CACNA2D3: variants seen among roughly 807,000 people sequenced by gnomAD.
CACNA2D3 encodes the protein voltage-dependent calcium channel subunit alpha-2/delta-3.
CACNA2D3 carries 60 observed loss-of-function variants against 160.6 expected under a neutral mutation model. The observed-to-expected ratio is 0.37, with a 90% CI of 0.30 to 0.46. CACNA2D3 has a LOEUF of 0.46. CACNA2D3 is among the 20% of genes least tolerant of loss of function. CACNA2D3 has a pLI of 1.00. For missense variants in CACNA2D3, 1,205 were observed against 1,365.0 expected, an observed-to-expected ratio of 0.88 and a Z score of 1.85; for synonymous variants, 558 against 492.9, an observed-to-expected ratio of 1.13 and a Z score of -1.75.
At chr3:54,511,827 A>T (rs1701464107) in intron 5 of CACNA2D3, among the ~76,000 whole-genome samples, 2 of 152,224 alleles carry the variant, frequency 1.3e-5, no homozygotes, top group African/African-American at 4.8e-5. Context: ...TTTTTAAAAA[A>T]TGGCTTAGAG....
intron 2 of CACNA2D3, among the ~76,000 whole-genome samples, chr3:54,236,145 A>G (rs1701872151): frequency 6.6e-6 from 1 of 152,206 alleles, no homozygotes; most frequent in Non-Finnish European, 1.5e-5. Context: ...ACTTCTCAAC[A>G]CAGTACTGCT....
chr3:55,001,096 AT>A (rs1488610477), intron 31 of CACNA2D3, among the ~76,000 whole-genome samples: 1 of 152,158 alleles, frequency 6.6e-6, no homozygotes, highest in Non-Finnish European at 1.5e-5. Flanking sequence ...TACCTCGCTT[AT>A]GGTTGCTAAA....
chr3:55,008,327 T>A (rs1457163577), intron 33 of CACNA2D3, among the ~76,000 whole-genome samples: 1 of 152,210 alleles, frequency 6.6e-6, no homozygotes, highest in African/African-American at 2.4e-5. Flanking sequence ...AGGTGCTGGT[T>A]GCATCTATGA....
intron 23 of CACNA2D3, among the ~76,000 whole-genome samples, chr3:54,886,500 C>T (rs1276215479): frequency 1.3e-5 from 2 of 151,910 alleles, no homozygotes; most frequent in Non-Finnish European, 2.9e-5. Context: ...AATATTTTGC[C>T]ACACTTACTC....
intron 27 of CACNA2D3, among the ~76,000 whole-genome samples, chr3:54,908,311 G>C (rs1295778117): frequency 6.6e-6 from 1 of 152,118 alleles, no homozygotes; most frequent in South Asian, 2.1e-4. Flanking sequence ...CTTGCCATTT[G>C]TATATTTTCT....
intron 27 of CACNA2D3, among the ~76,000 whole-genome samples, chr3:54,965,310 G>A (rs1256158879): frequency 6.6e-6 from 1 of 152,060 alleles, no homozygotes; most frequent in African/African-American, 2.4e-5. Context: ...GAACAACTGG[G>A]TCCCCGTTCC....
Position 54,130,616 on chromosome 3 carries a change from T to G in CACNA2D3, c.204+7022T>G, listed in dbSNP as rs186124199. ...CTACCATTCACCCCATTTTACAGAT[T>G]GCGAAGCTGAGGCTGGCAGAACTGA... On this transcript the variant is annotated intron_variant, in intron 2 of 37. Coordinates refer to ENST00000474759, the MANE Select transcript of CACNA2D3 (RefSeq NM_018398.3). Among the ~76,000 whole-genome samples, 28 of 152,302 alleles carry G rather than the reference T, an allele frequency of 1.8e-4. 1 individual carries two copies. The East Asian group carries it at 5.4e-3, about 29-fold the overall frequency.
chr3:54,364,197 GC>G (rs1407460298), intron 3 of CACNA2D3, among the ~76,000 whole-genome samples: 5 of 152,172 alleles, frequency 3.3e-5, no homozygotes, highest in African/African-American at 1.2e-4. Context: ...GTGTTGATTA[GC>G]TTCCTAAAAA....
rs1036012015 is a variant in CACNA2D3, at chr3:54,275,952, G to T, written c.205-44490G>T. 8.5e-5 allele frequency among the ~76,000 whole-genome samples: 13 copies of T among 152,232 alleles called. No individual in the cohort carries two copies. The East Asian group carries it at 2.5e-3, about 29-fold the overall frequency. ...CGGAAAGTATCTGATTTCTACTGGG[G>T]ATAAAGTTGCAGGTTCTTTTAATAC... On this transcript the variant is annotated intron_variant, in intron 2 of 37. Coordinates refer to ENST00000474759, the MANE Select transcript of CACNA2D3 (RefSeq NM_018398.3).
chr3:54,977,128 A>G (rs1345796479), intron 29 of CACNA2D3, among the ~76,000 whole-genome samples: 1 of 152,214 alleles, frequency 6.6e-6, no homozygotes, highest in Non-Finnish European at 1.5e-5. Context: ...ATAAAATAGC[A>G]CAATATGAAA....
At chr3:54,693,871 G>C (rs915982218) in intron 11 of CACNA2D3, among the ~76,000 whole-genome samples, 1 of 152,094 alleles carries the variant, frequency 6.6e-6, no homozygotes, top group African/African-American at 2.4e-5. Context: ...ACAGCTGTAC[G>C]ATGTGTTTAT....
At chr3:54,455,524 G>A (rs1405129155) in intron 4 of CACNA2D3, among the ~76,000 whole-genome samples, 1 of 151,930 alleles carries the variant, frequency 6.6e-6, no homozygotes, top group Non-Finnish European at 1.5e-5. Flanking sequence ...TTTGGAGGTT[G>A]TCTTTTCACT....
At chr3:54,214,533 A>C (rs1433864641) in intron 2 of CACNA2D3, among the ~76,000 whole-genome samples, 10 of 152,006 alleles carry the variant, frequency 6.6e-5, no homozygotes, top group Non-Finnish European at 1.3e-4. Flanking sequence ...AATTGAGTAG[A>C]TTTTATCTCC....
Position 54,687,121 on chromosome 3 carries a change from C to CTTTTTCTTTTTCTTTTTCTTTTTCTT in CACNA2D3, c.1167+44885_1167+44886insCTTTTTCTTTTTCTTTTTCTTTTTTT. Among the ~76,000 whole-genome samples the CTTTTTCTTTTTCTTTTTCTTTTTCTT allele has an allele frequency of 1.2e-4, 11 of 94,962 alleles. 1 individual carries two copies. Among genetic ancestry groups the CTTTTTCTTTTTCTTTTTCTTTTTCTT allele is most frequent in the African/African-American group, 3.6e-4 (9 of 25,032 alleles). The allele number at this position is 94,962 out of a possible 152,430, so 62.3% of individuals were successfully genotyped here. ...AAATCGGATTTTTCTTTTTCTTTTT[C>CTTTTTCTTTTTCTTTTTCTTTTTCTT]TTTTTTTTTTTTTGTTTTTTTTTTT... On this transcript the variant is annotated intron_variant, in intron 11 of 37. Transcript: ENST00000474759.
chr3:54,701,197 C>G (rs1700761338), intron 11 of CACNA2D3, among the ~76,000 whole-genome samples: 1 of 152,120 alleles, frequency 6.6e-6, no homozygotes, highest in African/African-American at 2.4e-5. Context: ...TTTATTTCTA[C>G]CAACTAAGAT....
At chr3:54,486,215 T>C (rs564776851) in intron 4 of CACNA2D3, among the ~76,000 whole-genome samples, 62 of 152,354 alleles carry the variant, frequency 4.1e-4, no homozygotes, top group African/African-American at 1.4e-3. Context: ...GAAGGCTTTT[T>C]TGATTCTGGT....
chr3:54,456,773 C>G (rs1361649082), intron 4 of CACNA2D3, among the ~76,000 whole-genome samples: 1 of 151,870 alleles, frequency 6.6e-6, no homozygotes, highest in Non-Finnish European at 1.5e-5. Context: ...ACTTTAACCT[C>G]TTGGTTCATT....
intron 2 of CACNA2D3, among the ~76,000 whole-genome samples, chr3:54,222,807 C>G (rs542670108): frequency 6.6e-6 from 1 of 151,960 alleles, no homozygotes; most frequent in Non-Finnish European, 1.5e-5. Context: ...TTTTCTGAGT[C>G]TCTGTTTGTG....
intron 4 of CACNA2D3, among the ~76,000 whole-genome samples, chr3:54,492,379 C>G (rs1306687523): frequency 6.6e-6 from 1 of 152,214 alleles, no homozygotes; most frequent in African/African-American, 2.4e-5. Context: ...TGGACCAGCT[C>G]CTCTGTCCAA....
Sources: allele counts gnomAD v4.1 joint callset (sites outside exome capture counted in the v4.1 genomes callset), GRCh38; gene constraint gnomAD v4.1.1; transcripts MANE v1.5; gene names NCBI Gene and HGNC (gene_info 2026-07-23, HGNC 2026-07-21).